The following ENY2 variants were observed in gnomAD, a reference collection of about 807,000 sequenced individuals.
ENY2 encodes ENY2 transcription and export complex 2 subunit, also known as transcription and mRNA export factor ENY2.
Under a neutral mutation model 15.9 loss-of-function variants are expected in ENY2, and 4 were observed. That is an observed-to-expected ratio of 0.25 (90% CI 0.12 to 0.57). The LOEUF is 0.57. Among genes scored for constraint, ENY2 ranks in the 20% least tolerant of loss-of-function variants. The pLI, the probability that ENY2 is intolerant of heterozygous loss-of-function variation, is 0.91. For synonymous variants in ENY2, 48 were observed against 38.0 expected (o/e 1.26, Z -0.97); for missense variants, 54 against 117.2 (o/e 0.46, Z 2.49).
intron 4 of ENY2, among the ~76,000 whole-genome samples, chr8:109,341,255 GT>G (rs1448073334): frequency 6.6e-6 from 1 of 152,136 alleles, no homozygotes; most frequent in Non-Finnish European, 1.5e-5. Flanking sequence ...GGCCCAAGTT[GT>G]TTTCTCACAC....
intron 2 of ENY2, chr8:109,339,026 G>A (rs1392467805): frequency 1.6e-5 from 6 of 364,900 alleles, no homozygotes; most frequent in Non-Finnish European, 3.0e-5. Context: ...GGTAGAGGAC[G>A]GTGGAGAGTA....
At chr8:109,341,394 C>A (rs891519823) in intron 4 of ENY2, among the ~76,000 whole-genome samples, 4 of 151,920 alleles carry the variant, frequency 2.6e-5, no homozygotes, top group African/African-American at 9.7e-5. Context: ...TGTCAGCCAT[C>A]TCTTTAGGCC....
intron 4 of ENY2, chr8:109,342,684 T>C (rs1396477978): frequency 1.0e-5 from 7 of 697,712 alleles, no homozygotes; most frequent in South Asian, 7.4e-5. Flanking sequence ...ATTTTATTTT[T>C]TGTAGAGACA....
chr8:109,339,748 T>C (rs1039001405), intron 3 of ENY2: 2 of 180,742 alleles, frequency 1.1e-5, no homozygotes, highest in African/African-American at 4.7e-5. Flanking sequence ...ATTTGAAAAA[T>C]TCATCTATGA....
intron 4 of ENY2, among the ~76,000 whole-genome samples, chr8:109,343,038 GT>G (rs1457912389): frequency 1.3e-5 from 2 of 152,042 alleles, no homozygotes; most frequent in African/African-American, 4.8e-5. Context: ...CATTTCCTCA[GT>G]TTTTATCTTT....
intron 2 of ENY2, 123 bp downstream of exon 2, chr8:109,336,327 T>C (rs930037506): frequency 2.3e-6 from 2 of 867,722 alleles, no homozygotes; most frequent in East Asian, 5.4e-5. Context: ...TAAAAGTTTC[T>C]ATTCCGAACA....
chr8:109,334,748 A>G, intron 1 of ENY2: 1 of 513,856 alleles, frequency 1.9e-6, no homozygotes. Flanking sequence ...CCAGTGAGAA[A>G]ACTGAGGCCT....
Position 109,343,535 on chromosome 8 carries a change from T to C in ENY2, c.*54T>C. On this transcript the variant is annotated 3_prime_UTR_variant, in exon 5 of 5. Transcript: ENST00000521688. ...TTATTTCTGAAAGTAAAACTTGCCA[T>C]AAATTAGAAAACAATTTCCCAAAAT... 6.6e-7 allele frequency: 1 copy of C among 1,511,920 alleles called. No homozygotes were observed. The highest frequency in any genetic ancestry group is 9.0e-7 in the Non-Finnish European group (1 of 1,105,714). 93.7% of individuals were successfully genotyped at this position (1,511,920 alleles called of 1,614,324 possible).
chr8:109,334,533 A>T lies in ENY2; in HGVS notation c.6+59A>T, dbSNP rs1346318745. The T allele has an allele frequency of 7.6e-6, 12 of 1,581,222 alleles. No homozygotes were observed. In the Admixed American group the frequency reaches 2.2e-4, roughly 29 times the overall value. ...CCGGGCCCAGCCCAGGCTCCTTTCGATGTACTGTCTTTCGTTAGCGTCCCC... is the reference window on the plus strand; with the variant it reads ...CCGGGCCCAGCCCAGGCTCCTTTCGTTGTACTGTCTTTCGTTAGCGTCCCC... On this transcript the variant is annotated intron_variant, in intron 1 of 4. Coordinates refer to ENST00000521688, the MANE Select transcript of ENY2 (RefSeq NM_020189.6).
chr8:109,336,485 T>C (rs1815988614), intron 2 of ENY2: 1 of 270,600 alleles, frequency 3.7e-6, no homozygotes, highest in Non-Finnish European at 7.1e-6. Context: ...GACATAATGT[T>C]ACCTGGGTTT....
intron 2 of ENY2, 56 bp from the exon 3 acceptor site, chr8:109,339,264 A>C: frequency 6.5e-7 from 1 of 1,530,198 alleles, no homozygotes; most frequent in Non-Finnish European, 9.0e-7. Context: ...TGCTTCATAC[A>C]TTCCTGTCTA....
chr8:109,342,723 T>G (rs1816149256), intron 4 of ENY2: 7 of 698,022 alleles, frequency 1.0e-5, no homozygotes, highest in Non-Finnish European at 1.6e-5. Flanking sequence ...AGGCTGGTCT[T>G]GAGCTCCCGG....
intron 3 of ENY2, among the ~76,000 whole-genome samples, chr8:109,339,968 A>G (rs1816080247): frequency 6.6e-6 from 1 of 152,192 alleles, no homozygotes; most frequent in Non-Finnish European, 1.5e-5. Flanking sequence ...TGTTAACTGT[A>G]AGAAGGCAAT....
chr8:109,343,000 T>C (rs1816156980), intron 4 of ENY2, among the ~76,000 whole-genome samples: 1 of 152,260 alleles, frequency 6.6e-6, no homozygotes, highest in African/African-American at 2.4e-5. Flanking sequence ...AACTGTATAG[T>C]AGAAAGATCA....
At chr8:109,338,466 G>A (rs1314778136) in intron 2 of ENY2, 1 of 152,088 alleles carries the variant, frequency 6.6e-6, no homozygotes, top group African/African-American at 2.4e-5. Flanking sequence ...TTGGATTTTG[G>A]CCCTATTAAG....
chr8:109,339,202 T>A, intron 2 of ENY2, 118 bp from the exon 3 acceptor site: 1 of 827,832 alleles, frequency 1.2e-6, no homozygotes, highest in Non-Finnish European at 2.0e-6. Context: ...TAGGCCACAG[T>A]TAAAGTTTTG....
At chr8:109,342,828 T>C in intron 4 of ENY2, 1 of 563,138 alleles carries the variant, frequency 1.8e-6, no homozygotes, top group Non-Finnish European at 3.2e-6. Flanking sequence ...TTGACCTTTG[T>C]ATTTTTGCCT....
intron 2 of ENY2, among the ~76,000 whole-genome samples, chr8:109,338,159 G>A (rs1231782855): frequency 6.6e-6 from 1 of 152,126 alleles, no homozygotes; most frequent in Non-Finnish European, 1.5e-5. Context: ...AGCAGGAGAA[G>A]AACTAAGTGT....
chr8:109,341,608 G>A (rs1001113404), intron 4 of ENY2, among the ~76,000 whole-genome samples: 1 of 151,948 alleles, frequency 6.6e-6, no homozygotes, highest in Non-Finnish European at 1.5e-5. Flanking sequence ...CTTCTCCTTC[G>A]ATACTTAAAA....
Sources: gnomAD v4.1 joint callset for allele counts (sites outside exome capture counted in the v4.1 genomes callset) on GRCh38, gnomAD v4.1.1 for gene constraint, MANE v1.5 for transcripts, NCBI Gene and HGNC (gene_info 2026-07-23, HGNC 2026-07-21) for gene names.